The following GARIN1A variants were observed in gnomAD, a reference collection of about 807,000 sequenced individuals.
GARIN1A encodes Golgi-associated RAB2 interactor protein 1A.
chr7:128,700,279 ATTTTGTT>A, the GARIN1A span, among the ~76,000 whole-genome samples: 2 of 119,474 alleles, frequency 1.7e-5, no homozygotes, highest in Non-Finnish European at 3.7e-5. Flanking sequence ...TTTGTTTTGT[ATTTTGTT>A]TTTTTTTTTT....
the GARIN1A span, among the ~76,000 whole-genome samples, chr7:128,695,090 C>G: frequency 1.6e-4 from 24 of 152,348 alleles, no homozygotes; most frequent in South Asian, 5.0e-3. This position sits in a 1 kb window ranked among gnomAD's most constrained non-coding sequence, Gnocchi z 4.5. Flanking sequence ...TATGTCTAAC[C>G]TTTAAAGAAA....
chr7:128,700,078 T>G, the GARIN1A span, among the ~76,000 whole-genome samples: 1 of 152,128 alleles, frequency 6.6e-6, no homozygotes, highest in Non-Finnish European at 1.5e-5. Flanking sequence ...ACTTTCAAGC[T>G]TTCTTTATAC....
At chr7:128,697,095 C>G in the GARIN1A span, among the ~76,000 whole-genome samples, 643 of 152,242 alleles carry the variant, frequency 4.2e-3, 2 homozygotes, top group South Asian at 6.4e-3. Context: ...GCTCCTAGGA[C>G]AGTAAAACCT....
chr7:128,683,226 T>C, the GARIN1A span: 1 of 1,255,320 alleles, frequency 8.0e-7, no homozygotes, highest in Non-Finnish European at 1.1e-6. Flanking sequence ...ATGCTCCTTT[T>C]CCACTGTGAG....
the GARIN1A span, among the ~76,000 whole-genome samples, chr7:128,672,774 A>G: frequency 1.3e-5 from 2 of 152,092 alleles, no homozygotes; most frequent in Non-Finnish European, 2.9e-5. Context: ...GTTCTAGGGA[A>G]ATTGATTTAT....
At chr7:128,705,442 G>A in the GARIN1A span, among the ~76,000 whole-genome samples, 2 of 151,976 alleles carry the variant, frequency 1.3e-5, no homozygotes, top group Non-Finnish European at 2.9e-5. Flanking sequence ...GCTGCACATC[G>A]GGGGACTGAT....
At chr7:128,696,963 G>A in the GARIN1A span, among the ~76,000 whole-genome samples, 17 of 152,312 alleles carry the variant, frequency 1.1e-4, 2 homozygotes, top group African/African-American at 3.8e-4. Flanking sequence ...AATTTTCCAG[G>A]AAGTTAACCA....
At chr7:128,683,052 A>C in the GARIN1A span, 1 of 1,611,620 alleles carries the variant, frequency 6.2e-7, no homozygotes, top group South Asian at 1.1e-5. Context: ...GAATATACCC[A>C]TGAGAGCTGC....
chr7:128,698,830 G>GC, the GARIN1A span, among the ~76,000 whole-genome samples: 1 of 152,044 alleles, frequency 6.6e-6, no homozygotes, highest in Non-Finnish European at 1.5e-5. Context: ...CAAGTGATCC[G>GC]CCCCCCTCAG....
chr7:128,677,834 G>C, the GARIN1A span: 6 of 1,602,426 alleles, frequency 3.7e-6, no homozygotes, highest in East Asian at 2.2e-5. Flanking sequence ...CTCCTTCCGG[G>C]ACCTGTCGAG....
the GARIN1A span, among the ~76,000 whole-genome samples, chr7:128,675,434 A>G: frequency 9.2e-6 from 1 of 108,954 alleles, no homozygotes. Context: ...TTAGTTAGAT[A>G]AAACAGTTAT....
chr7:128,672,271 A>G, the GARIN1A span: 2 of 726,702 alleles, frequency 2.8e-6, no homozygotes, highest in Non-Finnish European at 4.4e-6. Flanking sequence ...GCCCTGGTGG[A>G]CAGCCCGTAA....
At chr7:128,701,697 T>C in the GARIN1A span, among the ~76,000 whole-genome samples, 1 of 151,836 alleles carries the variant, frequency 6.6e-6, no homozygotes, top group Admixed American at 6.6e-5. Flanking sequence ...GAGCAGGTGA[T>C]AGAGGCTAGG....
chr7:128,671,788 A>G, the GARIN1A span, among the ~76,000 whole-genome samples: 1 of 151,540 alleles, frequency 6.6e-6, no homozygotes, highest in Admixed American at 6.6e-5. Context: ...TCCTTTGCCC[A>G]CTGTTTCCAA....
At chr7:128,676,019 C>CTTT in the GARIN1A span, among the ~76,000 whole-genome samples, 13 of 121,562 alleles carry the variant, frequency 1.1e-4, no homozygotes, top group South Asian at 8.1e-4. Flanking sequence ...TATTTAGTAT[C>CTTT]TTTTTTTTTT....
chr7:128,705,858 G>C, the GARIN1A span, among the ~76,000 whole-genome samples: 1 of 151,738 alleles, frequency 6.6e-6, no homozygotes, highest in African/African-American at 2.4e-5. Context: ...GTCTCGCTGT[G>C]TTACCCAGGC....
chr7:128,707,220 A>ATGTGTG, the GARIN1A span, among the ~76,000 whole-genome samples: 7,484 of 147,206 alleles, frequency 0.051, 483 homozygotes, highest in African/African-American at 0.16. Context: ...GTGTGTATGT[A>ATGTGTG]TGTGTGTGTG....
At chr7:128,679,948 A>T in the GARIN1A span, 1 of 714,010 alleles carries the variant, frequency 1.4e-6, no homozygotes, top group Non-Finnish European at 2.2e-6. Flanking sequence ...GTAATATCAC[A>T]AACCCCTTCA....
At chr7:128,698,632 C>G in the GARIN1A span, among the ~76,000 whole-genome samples, 4 of 152,318 alleles carry the variant, frequency 2.6e-5, no homozygotes, top group East Asian at 7.7e-4. Context: ...TGGAGTCTCA[C>G]TCTGCCGCCT....
Sources: gnomAD v4.1 joint callset for allele counts (sites outside exome capture counted in the v4.1 genomes callset) on GRCh38, gnomAD v4.1.1 for gene constraint, Gnocchi (gnomAD v3.1) non-coding constraint, MANE v1.5 for transcripts, NCBI Gene and HGNC (gene_info 2026-07-23, HGNC 2026-07-21) for gene names.